SLC25A51: variants seen among roughly 807,000 people sequenced by gnomAD.
The protein encoded by SLC25A51 is solute carrier family 25 member 51, also known as mitochondrial nicotinamide adenine dinucleotide transporter SLC25A51.
Under a neutral mutation model 19.1 loss-of-function variants are expected in SLC25A51, and 11 were observed. The observed-to-expected ratio is 0.58, with a 90% CI of 0.36 to 0.96. The LOEUF is 0.96. SLC25A51 is among the 40% of genes least tolerant of loss of function. SLC25A51 has a pLI of 0.01. For synonymous variants in SLC25A51, 105 were observed against 133.6 expected, an observed-to-expected ratio of 0.79 and a Z score of 1.47; for missense variants, 201 against 365.4, an observed-to-expected ratio of 0.55 and a Z score of 3.67.
chr9:37,885,904 T>C, downstream of SLC25A51: 1 of 1,574,788 alleles, frequency 6.4e-7, no homozygotes, highest in Non-Finnish European at 8.7e-7. Context: ...ATATGGGCCC[T>C]GAGTATATCA....
At chr9:37,886,259 G>A, downstream of SLC25A51, 1 of 1,612,964 alleles carries the variant, frequency 6.2e-7, no homozygotes, top group Non-Finnish European at 8.5e-7. Context: ...TGTGATCCGA[G>A]AATTTAACTT....
downstream of SLC25A51, among the ~76,000 whole-genome samples, chr9:37,884,610 G>C (rs1032130188): frequency 3.3e-5 from 5 of 152,174 alleles, no homozygotes; most frequent in African/African-American, 4.8e-5. Context: ...TGTTATGGAA[G>C]TGTTTATTTT....
intron 2 of SLC25A51, among the ~76,000 whole-genome samples, chr9:37,898,267 C>T (rs1474004935): frequency 2.0e-5 from 3 of 151,946 alleles, no homozygotes; most frequent in Admixed American, 2.0e-4. Context: ...AAAAATTAGC[C>T]GGGGGTGGCC....
downstream of SLC25A51, among the ~76,000 whole-genome samples, chr9:37,883,041 C>T (rs754556594): frequency 9.2e-5 from 14 of 152,204 alleles, no homozygotes; most frequent in Non-Finnish European, 1.9e-4. Context: ...GATGGGGTTT[C>T]GCCATGTTGG....
downstream of SLC25A51, chr9:37,885,914 A>G: frequency 6.2e-7 from 1 of 1,602,840 alleles, no homozygotes; most frequent in Non-Finnish European, 8.5e-7. Context: ...TGAGTATATC[A>G]AGTACTTCAA....
At chr9:37,894,617 G>T (rs1831673309) in intron 2 of SLC25A51, among the ~76,000 whole-genome samples, 1 of 152,046 alleles carries the variant, frequency 6.6e-6, no homozygotes. Flanking sequence ...TGAGCCACTG[G>T]CCTGGCCTTT....
chr9:37,885,652 C>G, downstream of SLC25A51: 1 of 959,560 alleles, frequency 1.0e-6, no homozygotes, highest in Non-Finnish European at 1.7e-6. Context: ...AGAGAAGACT[C>G]GGAACCCCAA....
intron 2 of SLC25A51, among the ~76,000 whole-genome samples, chr9:37,892,569 AT>A (rs1041282330): frequency 3.3e-5 from 5 of 151,310 alleles, no homozygotes; most frequent in East Asian, 1.9e-4. Context: ...ATATATATAT[AT>A]TTTTTTCTTT....
At chr9:37,893,944 C>A (rs1831652767) in intron 2 of SLC25A51, among the ~76,000 whole-genome samples, 1 of 152,162 alleles carries the variant, frequency 6.6e-6, no homozygotes, top group South Asian at 2.1e-4. Context: ...TTCACGCTCA[C>A]CCACCCCTAT....
chr9:37,899,988 C>CTTTTTTTTTTTTTTTTT (rs35821924), intron 1 of SLC25A51, 38 bp from the exon 2 acceptor site: 1 of 57,072 alleles, frequency 1.8e-5, no homozygotes, highest in Admixed American at 2.8e-4. Context: ...TTTATATAGC[C>CTTTTTTTTTTTTTTTTT]TTTTTTTTTT....
At chr9:37,897,456 C>T (rs1011879961) in intron 2 of SLC25A51, among the ~76,000 whole-genome samples, 3 of 152,040 alleles carry the variant, frequency 2.0e-5, no homozygotes, top group Non-Finnish European at 4.4e-5. Flanking sequence ...AAGGTTAGAA[C>T]CAGCTAACTT....
chr9:37,897,224 A>T (rs758189264), intron 2 of SLC25A51, among the ~76,000 whole-genome samples: 6 of 151,534 alleles, frequency 4.0e-5, no homozygotes, highest in Non-Finnish European at 8.8e-5. Flanking sequence ...AAATTTTTAA[A>T]TTTTTTTTCT....
chr9:37,888,017 G>C lies in SLC25A51; in HGVS notation c.534C>G (p.Pro178=), dbSNP rs768372373. ...TGCTGAGTCCATTCCGGAAAAGAAT[G>C]GGCACCAAGCCTCGATAATACTCTC... ...GIGEYYRGLV[P]ILFRNGLSNV... Residue 178 remains proline (P), a synonymous_variant, in exon 3 of 3, where the codon CCC becomes CCG. Coordinates refer to ENST00000242275, the MANE Select transcript of SLC25A51 (RefSeq NM_033412.4). 27 of 1,612,352 alleles carry C rather than the reference G, an allele frequency of 1.7e-5. 1 individual carries two copies. In the South Asian group the frequency reaches 2.2e-4, roughly 13 times the overall value.
At chr9:37,889,068 T>C (rs1831524182) in intron 2 of SLC25A51, among the ~76,000 whole-genome samples, 3 of 152,294 alleles carry the variant, frequency 2.0e-5, no homozygotes, top group Admixed American at 1.3e-4. Context: ...TGAATATCAG[T>C]CCACATAAAC....
chr9:37,892,438 G>A lies in SLC25A51; in HGVS notation c.-42-3846C>T, dbSNP rs963895198. On this transcript the variant is annotated intron_variant, in intron 2 of 2. Coordinates refer to ENST00000242275, the MANE Select transcript of SLC25A51 (RefSeq NM_033412.4). ...TGTGTATGCCCTGCAGGGGCACAACGTAGGTAGAGAAGGATGGGTAGCTGA... is the reference window on the plus strand; with the variant it reads ...TGTGTATGCCCTGCAGGGGCACAACATAGGTAGAGAAGGATGGGTAGCTGA... Among the ~76,000 whole-genome samples, 10 of 152,358 alleles carry A rather than the reference G, an allele frequency of 6.6e-5. No individual in the cohort carries two copies. The East Asian group carries it at 1.2e-3, about 18-fold the overall frequency.
At chr9:37,899,577 C>G (rs1184658769) in intron 2 of SLC25A51, among the ~76,000 whole-genome samples, 1 of 152,106 alleles carries the variant, frequency 6.6e-6, no homozygotes, top group Non-Finnish European at 1.5e-5. Context: ...GTTGCCCAGG[C>G]TGGTCTGAAG....
rs1401013823 is a variant in SLC25A51, at chr9:37,898,732, A to AAATG, written c.-43+1096_-43+1097insCATT. Among the ~76,000 whole-genome samples, 346 of 152,266 alleles carry AAATG rather than the reference A, an allele frequency of 2.3e-3. 2 individuals are homozygous for AAATG. Among genetic ancestry groups the AAATG allele is most frequent in the African/African-American group, 7.5e-3 (311 of 41,544 alleles). ...GACTCTGTCTCAAAAATAAATAAAT[A>AAATG]AATAAAATAAAAATGAATTTCATTT... On this transcript the variant is annotated intron_variant, in intron 2 of 2. Transcript: ENST00000242275.
At chr9:37,879,193 C>T (rs951269230), downstream of SLC25A51, 6 of 282,812 alleles carry the variant, frequency 2.1e-5, no homozygotes, top group Middle Eastern at 6.3e-4. Context: ...GGGTGGCAGT[C>T]GTACTGTATT....
At chr9:37,886,099 T>C, downstream of SLC25A51, 1 of 1,498,656 alleles carries the variant, frequency 6.7e-7, no homozygotes, top group South Asian at 1.1e-5. Flanking sequence ...GACGCTATAC[T>C]GATGTTAGTA....
Sources: allele counts gnomAD v4.1 joint callset (sites outside exome capture counted in the v4.1 genomes callset), GRCh38; gene constraint gnomAD v4.1.1; transcripts MANE v1.5; gene names NCBI Gene and HGNC (gene_info 2026-07-23, HGNC 2026-07-21).